SLC35F3: variants seen among roughly 807,000 people sequenced by gnomAD.
SLC35F3 encodes the protein putative thiamine transporter SLC35F3.
In SLC35F3, 25 loss-of-function variants were observed where a neutral mutation model predicts 49.9. The ratio of observed to expected loss-of-function variants is 0.50; its 90% CI spans 0.37 to 0.70. The LOEUF (loss-of-function observed/expected upper bound fraction) is 0.70, where lower values mean the gene tolerates loss of function less well. SLC35F3 is among the 30% of genes least tolerant of loss of function. The pLI, the probability that SLC35F3 is intolerant of heterozygous loss-of-function variation, is 0.00. For synonymous variants in SLC35F3, 275 were observed against 265.4 expected (o/e 1.04, Z -0.35); for missense variants, 525 against 639.8 (o/e 0.82, Z 1.94).
chr1:234,115,822 CTT>C lies in SLC35F3; in HGVS notation c.284-115594_284-115593del, dbSNP rs528983831. 4.1e-3 allele frequency among the ~76,000 whole-genome samples: 618 copies of C among 149,276 alleles called. 7 individuals are homozygous for C. Among genetic ancestry groups the C allele is most frequent in the African/African-American group, 0.015 (582 of 38,992 alleles). ...ATTGTAAACCAAAAAGTATCTGAGA[CTT>C]ATCTCAATCAGTTTTGAGGTTAATT... On this transcript the variant is annotated intron_variant, in intron 2 of 7. Transcript: ENST00000366618.
In SLC35F3 at chr1:234,223,126, C is replaced by T. The variant is rs527562058; in HGVS notation, c.284-8291C>T. Among the ~76,000 whole-genome samples the T allele has an allele frequency of 4.6e-5, 7 of 152,282 alleles. No individual in the cohort carries two copies. The South Asian group carries it at 8.3e-4, about 18-fold the overall frequency. On this transcript the variant is annotated intron_variant, in intron 2 of 7. Transcript: ENST00000366618. ...GCTTACCCATACCCTGTCAGTTTCT[C>T]GAGAGTCATGATTCACCTTAGGCTG... is the stretch of plus-strand genomic sequence containing the variant.
At chr1:234,003,719 G>T (rs1663587115) in intron 2 of SLC35F3, among the ~76,000 whole-genome samples, 1 of 152,132 alleles carries the variant, frequency 6.6e-6, no homozygotes, top group African/African-American at 2.4e-5. Context: ...CAGGCTAAGG[G>T]AAGTTGTCAT....
intron 3 of SLC35F3, among the ~76,000 whole-genome samples, chr1:234,250,038 A>C (rs1667711123): frequency 6.6e-6 from 1 of 152,252 alleles, no homozygotes; most frequent in South Asian, 2.1e-4. Context: ...AAAAAGCTAG[A>C]AATATATATG....
intron 2 of SLC35F3, among the ~76,000 whole-genome samples, chr1:234,124,344 A>T (rs993723586): frequency 6.6e-6 from 1 of 152,238 alleles, no homozygotes; most frequent in Non-Finnish European, 1.5e-5. Flanking sequence ...ATTCCCACTA[A>T]GCTTCACCCA....
At chr1:234,279,211 A>G (rs1272933758) in intron 3 of SLC35F3, among the ~76,000 whole-genome samples, 6 of 152,200 alleles carry the variant, frequency 3.9e-5, no homozygotes. Context: ...ACAAATGGTT[A>G]CATTCTTTTG....
intron 3 of SLC35F3, among the ~76,000 whole-genome samples, chr1:234,252,098 GTC>G (rs566380408): frequency 1.1e-3 from 171 of 151,706 alleles, no homozygotes; most frequent in Non-Finnish European, 1.8e-3. Context: ...TTGAGACAGA[GTC>G]TCTCTGTCTC....
At chr1:234,315,785 G>T (rs1314043108) in intron 4 of SLC35F3, among the ~76,000 whole-genome samples, 1 of 152,192 alleles carries the variant, frequency 6.6e-6, no homozygotes, top group African/African-American at 2.4e-5. Flanking sequence ...TGACATTTCT[G>T]CAGCTTCATG....
At chr1:234,298,747 A>G (rs1445906673) in intron 3 of SLC35F3, among the ~76,000 whole-genome samples, 4 of 152,242 alleles carry the variant, frequency 2.6e-5, no homozygotes, top group Admixed American at 1.3e-4. Context: ...TTGAGCCTCT[A>G]AAATTTAGCA....
intron 1 of SLC35F3, 30 bp downstream of exon 1, chr1:233,905,160 A>G (rs1558173505): frequency 3.2e-6 from 5 of 1,549,948 alleles, no homozygotes; most frequent in Non-Finnish European, 4.4e-6. Context: ...TGGGTGAGCG[A>G]GCCGGCGGGC....
At position 233,957,308 on chromosome 1, in the gene SLC35F3, G is replaced by A. The variant is rs1016152964; in HGVS notation, c.283+51550G>A. ...AATCTGAACCATAACAAAGGTAGGA[G>A]GAATGGCTGGAGGAAGCGATGCCAC... On this transcript the variant is annotated intron_variant, in intron 2 of 7. Coordinates refer to ENST00000366618, the MANE Select transcript of SLC35F3 (RefSeq NM_173508.4). This position sits in a 1 kb window ranked among gnomAD's most constrained non-coding sequence, Gnocchi z 4.0. Among the ~76,000 whole-genome samples, 12 of 152,184 alleles carry A rather than the reference G, an allele frequency of 7.9e-5. No individual in the cohort carries two copies. The highest frequency in any genetic ancestry group is 2.9e-4 in the African/African-American group (12 of 41,442).
At chr1:233,962,527 G>A (rs1021365918) in intron 2 of SLC35F3, among the ~76,000 whole-genome samples, 1 of 152,202 alleles carries the variant, frequency 6.6e-6, no homozygotes, top group Non-Finnish European at 1.5e-5. Flanking sequence ...CTCTTTGTGA[G>A]GGGCTTATAT....
At chr1:234,295,194 A>G (rs1356050315) in intron 3 of SLC35F3, among the ~76,000 whole-genome samples, 1 of 152,258 alleles carries the variant, frequency 6.6e-6, no homozygotes, top group Non-Finnish European at 1.5e-5. Flanking sequence ...CCTCTGAGAA[A>G]GGCCAAGGAC....
chr1:234,198,530 A>G (rs902790623), intron 2 of SLC35F3, among the ~76,000 whole-genome samples: 31 of 152,218 alleles, frequency 2.0e-4, no homozygotes, highest in African/African-American at 6.5e-4. Flanking sequence ...TAATTTCTCT[A>G]CATCCTCTCC....
intron 2 of SLC35F3, among the ~76,000 whole-genome samples, chr1:233,916,331 A>C (rs1661968509): frequency 6.6e-6 from 1 of 152,188 alleles, no homozygotes; most frequent in Non-Finnish European, 1.5e-5. Context: ...GCAGTGGCAC[A>C]ATCATCGCTC....
chr1:234,030,146 C>A (rs779803482), intron 2 of SLC35F3, among the ~76,000 whole-genome samples: 17 of 152,174 alleles, frequency 1.1e-4, no homozygotes, highest in Non-Finnish European at 2.4e-4. Context: ...CCAATATTAT[C>A]TTTCACATAA....
At chr1:233,935,272 G>A (rs191641574) in intron 2 of SLC35F3, among the ~76,000 whole-genome samples, 7 of 125,626 alleles carry the variant, frequency 5.6e-5, no homozygotes, top group Admixed American at 4.3e-4. Flanking sequence ...AAGAACAGAA[G>A]AGACTGAGCC....
At chr1:233,977,988 G>A (rs1297542188) in intron 2 of SLC35F3, among the ~76,000 whole-genome samples, 1 of 152,198 alleles carries the variant, frequency 6.6e-6, no homozygotes, top group Non-Finnish European at 1.5e-5. Flanking sequence ...ACAAGGGATA[G>A]CAACTCATAG....
intron 2 of SLC35F3, among the ~76,000 whole-genome samples, chr1:234,060,386 A>G (rs538304827): frequency 1.3e-5 from 2 of 152,112 alleles, no homozygotes; most frequent in South Asian, 2.1e-4. Flanking sequence ...TGTCATTTCT[A>G]TCAGATTTGT....
At chr1:234,085,951 C>T (rs1029387747) in intron 2 of SLC35F3, among the ~76,000 whole-genome samples, 1 of 152,082 alleles carries the variant, frequency 6.6e-6, no homozygotes, top group Non-Finnish European at 1.5e-5. Flanking sequence ...AACTATATAC[C>T]CTGTCTTGTA....
Sources: allele counts gnomAD v4.1 joint callset (sites outside exome capture counted in the v4.1 genomes callset), GRCh38; gene constraint gnomAD v4.1.1; non-coding constraint Gnocchi (gnomAD v3.1); transcripts MANE v1.5; gene names NCBI Gene and HGNC (gene_info 2026-07-23, HGNC 2026-07-21).